METTL15: variants seen among roughly 807,000 people sequenced by gnomAD.
METTL15 encodes 12S rRNA N(4)-cytidine methyltransferase METTL15.
A neutral mutation model predicts 38.3 loss-of-function variants in METTL15; 34 were observed. The observed-to-expected ratio is 0.89, with a 90% CI of 0.68 to 1.18. METTL15 has a LOEUF of 1.18. Ranked by LOEUF, METTL15 falls within the 50% of genes most tolerant of loss-of-function variation. The pLI, the probability that METTL15 is intolerant of heterozygous loss-of-function variation, is 0.00. For synonymous variants in METTL15, 162 were observed against 170.9 expected (o/e 0.95, Z 0.41); for missense variants, 438 against 498.4 (o/e 0.88, Z 1.15).
chr11:28,433,094 A>G (rs766118474), intron 6 of METTL15, among the ~76,000 whole-genome samples: 18 of 151,584 alleles, frequency 1.2e-4, no homozygotes, highest in Non-Finnish European at 2.2e-4. Context: ...CTGTCATTCT[A>G]TTAATGCCAT....
At chr11:28,417,495 G>T (rs747401245) in intron 5 of METTL15, among the ~76,000 whole-genome samples, 18 of 152,180 alleles carry the variant, frequency 1.2e-4, no homozygotes, top group Non-Finnish European at 2.6e-4. Context: ...CAGATTGTTA[G>T]ATTAGAATAA....
chr11:28,308,892 G>GTAGGTAGATAGATAGA (rs72449461), intron 6 of METTL15, among the ~76,000 whole-genome samples: 77 of 147,000 alleles, frequency 5.2e-4, no homozygotes, highest in East Asian at 1.2e-3. Context: ...AGGTAGGTAG[G>GTAGGTAGATAGATAGA]TAGATAGATA....
chr11:28,339,206 T>C (rs1849928188), intron 3 of METTL15, among the ~76,000 whole-genome samples: 1 of 152,094 alleles, frequency 6.6e-6, no homozygotes, highest in Non-Finnish European at 1.5e-5. Context: ...ATAATTTCTG[T>C]AATTGTTCAT....
intron 5 of METTL15, among the ~76,000 whole-genome samples, chr11:28,374,053 G>C (rs905670602): frequency 1.9e-4 from 29 of 152,160 alleles, no homozygotes; most frequent in Admixed American, 2.0e-4. Flanking sequence ...GTGCCATGCT[G>C]TTTTGGTTAC....
chr11:28,352,280 G>A (rs939665447), intron 4 of METTL15: 1 of 152,116 alleles, frequency 6.6e-6, no homozygotes, highest in African/African-American at 2.4e-5. Flanking sequence ...ACAACTTGAA[G>A]CATTTTTCAT....
intron 6 of METTL15, chr11:28,477,626 T>C (rs1295945272): frequency 6.6e-6 from 1 of 152,168 alleles, no homozygotes; most frequent in Non-Finnish European, 1.5e-5. Context: ...GGATTTCCCT[T>C]ATAGCATCCC....
At chr11:28,313,950 CCTT>C (rs1334200487) in intron 6 of METTL15, among the ~76,000 whole-genome samples, 2 of 152,026 alleles carry the variant, frequency 1.3e-5, no homozygotes, top group African/African-American at 4.8e-5. Flanking sequence ...GTATACATGT[CCTT>C]CTAGAAACCA....
chr11:28,184,956 T>C (rs1031064038), intron 3 of METTL15, among the ~76,000 whole-genome samples: 1 of 151,484 alleles, frequency 6.6e-6, no homozygotes, highest in Non-Finnish European at 1.5e-5. Context: ...AAAGGAAATA[T>C]ATTGAAAGTT....
chr11:28,502,894 G>A (rs1590396497), intron 6 of METTL15, among the ~76,000 whole-genome samples: 3 of 152,190 alleles, frequency 2.0e-5, no homozygotes, highest in Admixed American at 2.0e-4. Flanking sequence ...ACTTCAAATA[G>A]TAGTCATAAT....
chr11:28,266,480 G>A (rs979333475), intron 4 of METTL15, among the ~76,000 whole-genome samples: 1 of 152,126 alleles, frequency 6.6e-6, no homozygotes, highest in South Asian at 2.1e-4. Flanking sequence ...TAATTTTAAT[G>A]TGACTAAAAC....
Position 28,212,182 on chromosome 11 carries a change from G to A in METTL15, c.407+984G>A, listed in dbSNP as rs1590166235. On this transcript the variant is annotated intron_variant, in intron 4 of 6. Coordinates refer to ENST00000407364, the MANE Select transcript of METTL15 (RefSeq NM_001113528.2). ...AACTCTTTGCAAATCTAATGAATGT[G>A]ATTAACTCTCCCCATAAAACTATAA... Among the ~76,000 whole-genome samples the A allele has an allele frequency of 3.3e-5, 5 of 152,044 alleles. No individual in the cohort carries two copies. In the South Asian group the frequency reaches 1.0e-3, roughly 32 times the overall value.
At position 28,394,887 on chromosome 11, in the gene METTL15, T is replaced by C. The variant is rs116714721; in HGVS notation, c.*359-29412T>C. ...ACCATGATGTCTGATACATAATAGA[T>C]ACTTATTAAGTATAAGCATAATGAA... On this transcript the variant is annotated intron_variant and NMD_transcript_variant, in intron 5 of 7. Coordinates refer to the METTL15 transcript ENST00000532947. Among the ~76,000 whole-genome samples, 540 of 152,204 alleles carry C rather than the reference T, an allele frequency of 3.5e-3. 2 individuals carry two copies. The highest frequency in any genetic ancestry group is 0.012 in the African/African-American group (514 of 41,558).
intron 3 of METTL15, among the ~76,000 whole-genome samples, chr11:28,199,085 A>G (rs1852012531): frequency 6.6e-6 from 1 of 152,104 alleles, no homozygotes; most frequent in South Asian, 2.1e-4. Context: ...TCTGTTGTCA[A>G]ATATTTGCCA....
chr11:28,299,640 A>G (rs566703415), intron 6 of METTL15, among the ~76,000 whole-genome samples: 1 of 152,268 alleles, frequency 6.6e-6, no homozygotes, highest in East Asian at 1.9e-4. Flanking sequence ...GTCCAGTCCA[A>G]TAAATCAAGA....
At chr11:28,481,327 T>C (rs1775735837) in intron 6 of METTL15, among the ~76,000 whole-genome samples, 1 of 152,182 alleles carries the variant, frequency 6.6e-6, no homozygotes, top group East Asian at 1.9e-4. Flanking sequence ...TACAGGACGA[T>C]AAAAGTGTTT....
intron 6 of METTL15, among the ~76,000 whole-genome samples, chr11:28,469,022 A>G (rs1174096411): frequency 2.0e-5 from 3 of 152,210 alleles, no homozygotes; most frequent in Non-Finnish European, 4.4e-5. Flanking sequence ...AAAAGATTTT[A>G]AAAGAATGAT....
chr11:28,523,325 A>C (rs970746543), intron 6 of METTL15, among the ~76,000 whole-genome samples: 1 of 152,362 alleles, frequency 6.6e-6, no homozygotes, highest in East Asian at 1.9e-4. Flanking sequence ...AATATATGTC[A>C]TTACATAGTC....
Position 28,297,017 on chromosome 11 carries a change from A to ATG in METTL15, c.778+95_778+96dup, listed in dbSNP as rs915245492. On this transcript the variant is annotated intron_variant, in intron 6 of 6. Transcript: ENST00000407364. Reference sequence around the variant, plus strand: ...TGTTTGTGTGCATGCACGCATGCACATGTGTGTGTGCATTAATCCCCCAGA... The same window carrying ATG: ...TGTTTGTGTGCATGCACGCATGCACATGTGTGTGTGTGCATTAATCCCCCAGA... The ATG allele has an allele frequency of 8.1e-6, 11 of 1,366,456 alleles. No individual in the cohort carries two copies. In the East Asian group the frequency reaches 1.2e-4, roughly 14 times the overall value. The allele number at this position is 1,366,456 out of a possible 1,614,324, so 84.6% of individuals were successfully genotyped here. A position where few individuals can be genotyped will look rare whatever the true frequency, so the allele number is the denominator to read the frequency against.
rs545599345 is a variant in METTL15, at chr11:28,116,225, A to G, written c.270+2621A>G. On this transcript the variant is annotated intron_variant, in intron 3 of 6. Coordinates refer to ENST00000407364, the MANE Select transcript of METTL15 (RefSeq NM_001113528.2). ...GTATGATCTCTTTAAAGCAATGTAA[A>G]AAATGTTGGTTGATATAATATTGAA... 5.9e-5 allele frequency among the ~76,000 whole-genome samples: 9 copies of G among 152,268 alleles called. No individual in the cohort carries two copies. In the South Asian group the frequency reaches 1.9e-3, roughly 32 times the overall value.
Sources: allele counts gnomAD v4.1 joint callset (sites outside exome capture counted in the v4.1 genomes callset), GRCh38; gene constraint gnomAD v4.1.1; transcripts MANE v1.5; gene names NCBI Gene and HGNC (gene_info 2026-07-23, HGNC 2026-07-21).